The following C1QB variants were observed in gnomAD, a reference collection of about 807,000 sequenced individuals.
The protein encoded by C1QB is complement C1q B chain.
Under a neutral mutation model 4.6 loss-of-function variants are expected in C1QB, and 2 were observed. The ratio of observed to expected loss-of-function variants is 0.43; its 90% CI spans 0.18 to 1.36. The LOEUF is 1.36. C1QB is among the 40% of genes most tolerant of loss of function. C1QB has a pLI of 0.28. For synonymous variants in C1QB, 132 were observed against 137.1 expected (o/e 0.96, Z 0.26); for missense variants, 292 against 338.0 (o/e 0.86, Z 1.07).
intron 1 of C1QB, among the ~76,000 whole-genome samples, chr1:22,659,180 ATGGATGGT>A (rs1429452899): frequency 1.3e-5 from 2 of 148,362 alleles, no homozygotes; most frequent in Admixed American, 6.7e-5. Context: ...AGATGGATGG[ATGGATGGT>A]TGGATGCAGG....
intron 2 of C1QB, 102 bp downstream of exon 2, chr1:22,659,745 C>A: frequency 7.4e-7 from 1 of 1,352,252 alleles, no homozygotes; most frequent in Non-Finnish European, 1.0e-6. Context: ...AAAGCACTGG[C>A]AAATCCAGCA....
rs749613816 is a variant in C1QB, at chr1:22,661,421, C to G, written c.*35C>G. On this transcript the variant is annotated 3_prime_UTR_variant, in exon 3 of 3. Coordinates refer to ENST00000509305, the MANE Select transcript of C1QB (RefSeq NM_001378156.1). ...TGCTTCACATCCACCCCGGCTCCCC[C>G]TGCCAGCAACGCTCACTCTACCCCC... 1.6e-5 allele frequency: 26 copies of G among 1,611,870 alleles called. No individual in the cohort carries two copies. In the Admixed American group the frequency reaches 4.2e-4, roughly 26 times the overall value.
In C1QB at chr1:22,654,630, G is replaced by C. The variant is rs12030052; in HGVS notation, c.-24+1327G>C. 0.015 allele frequency among the ~76,000 whole-genome samples: 2,316 copies of C among 152,320 alleles called. 156 individuals are homozygous for C. In the East Asian group the frequency reaches 0.21, roughly 14 times the overall value. ...CCTCGCACATACCCTATGAGGGAGA[G>C]AGTAGCATTATCCCCACTTTATAGG... On this transcript the variant is annotated intron_variant, in intron 1 of 2. Transcript: ENST00000509305.
Position 22,653,433 on chromosome 1 carries a change from G to A in C1QB, c.-24+130G>A, listed in dbSNP as rs187560401. The stretch of plus-strand genomic sequence containing the variant: ...AGGCTGTTTAACAGTGCAGGTAGCT[G>A]GGCCCAATCCCAGACCTATGGGACC... On this transcript the variant is annotated intron_variant, in intron 1 of 2. Coordinates refer to ENST00000509305, the MANE Select transcript of C1QB (RefSeq NM_001378156.1). 1.7e-4 allele frequency: 26 copies of A among 152,378 alleles called. No homozygotes were observed. In the East Asian group the frequency reaches 5.0e-3, roughly 29 times the overall value. The allele number at this position is 152,378 out of a possible 1,614,324, so 9.4% of individuals were successfully genotyped here. A position where few individuals can be genotyped will look rare whatever the true frequency, so the allele number is the denominator to read the frequency against.
chr1:22,656,759 A>G (rs979898391), intron 1 of C1QB, among the ~76,000 whole-genome samples: 1 of 152,154 alleles, frequency 6.6e-6, no homozygotes, highest in Non-Finnish European at 1.5e-5. Flanking sequence ...CAGTCCCACA[A>G]GACTGCTCCC....
chr1:22,657,351 T>C (rs1642545039), intron 1 of C1QB, among the ~76,000 whole-genome samples: 1 of 152,210 alleles, frequency 6.6e-6, no homozygotes, highest in African/African-American at 2.4e-5. Flanking sequence ...ACCAAATATA[T>C]ACTTTGCAAT....
chr1:22,661,306 G>A lies in C1QB; in HGVS notation c.676G>A (p.Asp226Asn), dbSNP rs773663676. ...GGAGAACGTCTTCCTGCAGGCCACC[G>A]ACAAGAACTCACTACTGGGCATGGA... ...QGENVFLQAT[D>N]KNSLLGMEGA... is the part of the protein sequence containing the mutation. The change falls in exon 3 of 3, where the codon GAC becomes AAC. Residue 226 changes from aspartate (D) to asparagine (N), a missense_variant. Asp to Asn is a conservative substitution (Grantham distance 23, BLOSUM62 1). Transcript: ENST00000509305. 17 of 1,613,868 alleles carry A rather than the reference G, an allele frequency of 1.1e-5. No homozygotes were observed. The highest frequency in any genetic ancestry group is 3.3e-5 in the Admixed American group (2 of 59,988).
intron 1 of C1QB, among the ~76,000 whole-genome samples, chr1:22,658,915 A>C (rs1642567972): frequency 1.0e-5 from 1 of 95,628 alleles, no homozygotes; most frequent in African/African-American, 2.9e-5. Flanking sequence ...GGATGGATGC[A>C]GGGATGGAGG....
intron 2 of C1QB, 136 bp from the exon 3 acceptor site, chr1:22,660,675 CT>C: frequency 1.2e-6 from 1 of 851,908 alleles, no homozygotes; most frequent in Non-Finnish European, 1.9e-6. Context: ...CCCAGAGCCC[CT>C]GCCTGACACT....
intron 1 of C1QB, among the ~76,000 whole-genome samples, chr1:22,655,391 C>T (rs1202568844): frequency 2.0e-5 from 3 of 152,158 alleles, no homozygotes; most frequent in Non-Finnish European, 4.4e-5. Context: ...TCAGGGCTTT[C>T]AGCAAGAAAT....
intron 1 of C1QB, among the ~76,000 whole-genome samples, chr1:22,658,751 G>GATAGATGGAC (rs1286492756): frequency 6.6e-6 from 1 of 151,948 alleles, no homozygotes; most frequent in Non-Finnish European, 1.5e-5. Flanking sequence ...CGGATGGATG[G>GATAGATGGAC]ATAGATGGAC....
At chr1:22,653,469 G>C (rs1008095058) in intron 1 of C1QB, among the ~76,000 whole-genome samples, 166 bp downstream of exon 1, 6 of 152,208 alleles carry the variant, frequency 3.9e-5, no homozygotes, top group Non-Finnish European at 8.8e-5. Flanking sequence ...CAGATCTCTG[G>C]GGTGAGTTGG....
intron 2 of C1QB, among the ~76,000 whole-genome samples, chr1:22,660,012 G>C (rs180914128): frequency 2.6e-5 from 4 of 152,200 alleles, no homozygotes. Context: ...TCACCTGTAA[G>C]ATGGGGGCAA....
At chr1:22,659,245 TAGAG>T (rs372452479) in intron 1 of C1QB, among the ~76,000 whole-genome samples, 191 bp from the exon 2 acceptor site, 1,953 of 129,678 alleles carry the variant, frequency 0.015, 47 homozygotes, top group African/African-American at 0.055. Context: ...GATGGAGGGA[TAGAG>T]AGATGGATGG....
intron 1 of C1QB, among the ~76,000 whole-genome samples, chr1:22,656,579 C>T (rs565497466): frequency 5.3e-5 from 8 of 152,166 alleles, no homozygotes; most frequent in Non-Finnish European, 7.4e-5. Flanking sequence ...AAGACACAAA[C>T]GGTATTTTCC....
At chr1:22,656,935 A>G (rs1011384717) in intron 1 of C1QB, among the ~76,000 whole-genome samples, 1 of 152,196 alleles carries the variant, frequency 6.6e-6, no homozygotes, top group Non-Finnish European at 1.5e-5. Context: ...TATAAAGGAT[A>G]CAGATGAGAT....
rs376323008 is a variant in C1QB, at chr1:22,661,395, C to T, written c.*9C>T. On this transcript the variant is annotated 3_prime_UTR_variant, in exon 3 of 3. Coordinates refer to ENST00000509305, the MANE Select transcript of C1QB (RefSeq NM_001378156.1). ...CAGATATGGAGGCCTGACCTGTGGG[C>T]TGCTTCACATCCACCCCGGCTCCCC... 2.5e-6 allele frequency: 4 copies of T among 1,613,744 alleles called. No homozygotes were observed. In the African/African-American group the frequency reaches 5.3e-5, roughly 22 times the overall value.
At position 22,660,678 on chromosome 1, in the gene C1QB, C is replaced by T. The variant is rs1642606271; in HGVS notation, c.182-134C>T. 5 of 874,414 alleles carry T rather than the reference C, an allele frequency of 5.7e-6. No homozygotes were observed. In the Admixed American group the frequency reaches 1.0e-4, roughly 18 times the overall value. The allele number at this position is 874,414 out of a possible 1,614,324, so 54.2% of individuals were successfully genotyped here. ...GCTGGAGGGAGACCCAGAGCCCCTG[C>T]CTGACACTGCCTCCTTCGTTTTACA... On this transcript the variant is annotated intron_variant, in intron 2 of 2. Coordinates refer to ENST00000509305, the MANE Select transcript of C1QB (RefSeq NM_001378156.1).
At chr1:22,656,543 GTGTAAGTGGAAGGTC>G (rs1347296344) in intron 1 of C1QB, among the ~76,000 whole-genome samples, 3 of 152,156 alleles carry the variant, frequency 2.0e-5, no homozygotes, top group Non-Finnish European at 2.9e-5. Flanking sequence ...AAATTGTAGT[GTGTAAGTGGAAGGTC>G]TGTAAGTGGA....
Sources: gnomAD v4.1 joint callset for allele counts (sites outside exome capture counted in the v4.1 genomes callset) on GRCh38, gnomAD v4.1.1 for gene constraint, MANE v1.5 for transcripts, NCBI Gene and HGNC (gene_info 2026-07-23, HGNC 2026-07-21) for gene names.